KCNMA1: variants seen among roughly 807,000 people sequenced by gnomAD.
The protein encoded by KCNMA1 is Calcium-activated potassium channel subunit alpha-1.
A neutral mutation model predicts 140.0 loss-of-function variants in KCNMA1; 29 were observed. The observed-to-expected ratio is 0.21, with a 90% CI of 0.15 to 0.28. The LOEUF (loss-of-function observed/expected upper bound fraction) is 0.28, where lower values mean the gene tolerates loss of function less well. Ranked by LOEUF, KCNMA1 falls within the 10% of genes least tolerant of loss-of-function variation. The probability of loss-of-function intolerance (pLI) is 1.00; values close to 1 mark genes in which losing one functional copy is unlikely to be tolerated. For missense variants in KCNMA1, 880 were observed against 1,602.2 expected, an observed-to-expected ratio of 0.55 and a Z score of 7.70; for synonymous variants, 612 against 611.9, an observed-to-expected ratio of 1.00 and a Z score of 0.00.
intron 1 of KCNMA1, among the ~76,000 whole-genome samples, chr10:77,519,740 C>T (rs2395480): frequency 0.018 from 2,672 of 152,270 alleles, 71 homozygotes; most frequent in African/African-American, 0.062. Flanking sequence ...CACATCCCTT[C>T]GTGAAACACA....
At chr10:76,926,448 T>G (rs904156921) in intron 23 of KCNMA1, among the ~76,000 whole-genome samples, 1 of 152,216 alleles carries the variant, frequency 6.6e-6, no homozygotes, top group Admixed American at 6.5e-5. Flanking sequence ...GCACAGAGCA[T>G]GTACTTCATC....
intron 1 of KCNMA1, among the ~76,000 whole-genome samples, chr10:77,424,506 GTTCA>G (rs3997977): frequency 7.7e-4 from 116 of 150,336 alleles, no homozygotes; most frequent in Admixed American, 2.5e-3. Flanking sequence ...GAAGATCTGT[GTTCA>G]TTCATTCATT....
At chr10:76,942,351 C>T (rs962991714) in intron 23 of KCNMA1, among the ~76,000 whole-genome samples, 8 of 152,280 alleles carry the variant, frequency 5.3e-5, no homozygotes, top group Admixed American at 3.9e-4. Context: ...CTAATACCAT[C>T]GCCTTGAGGG....
intron 2 of KCNMA1, among the ~76,000 whole-genome samples, chr10:77,320,446 C>T (rs890997279): frequency 1.3e-5 from 2 of 152,108 alleles, no homozygotes. Context: ...AAAGCTGAGG[C>T]TGAGACCCTA....
intron 1 of KCNMA1, among the ~76,000 whole-genome samples, chr10:77,621,683 C>A (rs1271775076): frequency 8.5e-5 from 13 of 152,144 alleles, no homozygotes; most frequent in Admixed American, 8.5e-4. Context: ...AATTCCAGCA[C>A]TTTGGGGGCC....
intron 1 of KCNMA1, among the ~76,000 whole-genome samples, chr10:77,610,797 AATG>A (rs1273316303): frequency 5.9e-5 from 9 of 152,348 alleles, no homozygotes; most frequent in African/African-American, 2.2e-4. Context: ...TGTAGATAAT[AATG>A]ATGGTTACAC....
At chr10:77,102,626 T>A (rs1034723732) in intron 9 of KCNMA1, among the ~76,000 whole-genome samples, 2 of 152,188 alleles carry the variant, frequency 1.3e-5, no homozygotes, top group Non-Finnish European at 2.9e-5. Context: ...GGGGCTTGCA[T>A]AACCTGGATT....
At position 77,186,998 on chromosome 10, in the gene KCNMA1, C is replaced by CT. The variant is rs573050784; in HGVS notation, c.603-2083dup. ...TGGTTTCCAAGACTATCATGGAAAA[C>CT]TGACTATTGTTTCACCAAGGCCAAA... is the stretch of plus-strand genomic sequence containing the variant. On this transcript the variant is annotated intron_variant, in intron 3 of 27. Coordinates refer to ENST00000286628, the MANE Select transcript of KCNMA1 (RefSeq NM_001161352.2). Among the ~76,000 whole-genome samples, 230 of 152,144 alleles carry CT rather than the reference C, an allele frequency of 1.5e-3. 1 individual carries two copies. The highest frequency in any genetic ancestry group is 5.4e-3 in the African/African-American group (222 of 41,492).
intron 1 of KCNMA1, among the ~76,000 whole-genome samples, chr10:77,468,866 G>A (rs182224222): frequency 6.6e-6 from 1 of 152,122 alleles, no homozygotes; most frequent in Non-Finnish European, 1.5e-5. Flanking sequence ...TCCAGCAAAT[G>A]TTTCTTGCAC....
intron 12 of KCNMA1, among the ~76,000 whole-genome samples, chr10:77,081,747 A>G (rs1437226976): frequency 2.6e-5 from 4 of 152,182 alleles, no homozygotes; most frequent in Non-Finnish European, 4.4e-5. Flanking sequence ...AGCCTCTGTC[A>G]GCCCTGCCTT....
chr10:77,295,573 A>G (rs1003761489), intron 2 of KCNMA1, among the ~76,000 whole-genome samples: 4 of 151,070 alleles, frequency 2.6e-5, no homozygotes, highest in African/African-American at 9.8e-5. Context: ...TGAGGTCAGG[A>G]GATCGAGACC....
At chr10:77,324,683 C>G (rs2083358322) in intron 2 of KCNMA1, among the ~76,000 whole-genome samples, 1 of 152,114 alleles carries the variant, frequency 6.6e-6, no homozygotes, top group Non-Finnish European at 1.5e-5. Context: ...GCCACCATGC[C>G]CAGCTTGTGT....
intron 1 of KCNMA1, among the ~76,000 whole-genome samples, chr10:77,552,247 T>C (rs2063040954): frequency 6.6e-6 from 1 of 152,170 alleles, no homozygotes; most frequent in Non-Finnish European, 1.5e-5. Flanking sequence ...TCCTCTACTT[T>C]GGGAAAAGGC....
intron 1 of KCNMA1, among the ~76,000 whole-genome samples, chr10:77,581,537 C>T (rs1022256502): frequency 6.6e-6 from 1 of 152,166 alleles, no homozygotes; most frequent in African/African-American, 2.4e-5. Context: ...GATCTCCTGA[C>T]CTAGTGATCC....
intron 9 of KCNMA1, among the ~76,000 whole-genome samples, chr10:77,103,708 T>C (rs533994826): frequency 6.6e-6 from 1 of 152,204 alleles, no homozygotes; most frequent in Non-Finnish European, 1.5e-5. Flanking sequence ...GCTAGAAGTG[T>C]TCAAGAGGGA....
intron 3 of KCNMA1, among the ~76,000 whole-genome samples, chr10:77,186,840 T>A (rs990940796): frequency 1.3e-5 from 2 of 150,024 alleles, no homozygotes; most frequent in African/African-American, 4.9e-5. Flanking sequence ...CAAGCAAGGA[T>A]GGGGAGATCT....
intron 1 of KCNMA1, among the ~76,000 whole-genome samples, chr10:77,612,698 A>C (rs148967679): frequency 6.6e-6 from 1 of 152,102 alleles, no homozygotes; most frequent in Admixed American, 6.5e-5. Context: ...AAGTCAAAAG[A>C]CTGGTCAATT....
intron 1 of KCNMA1, among the ~76,000 whole-genome samples, chr10:77,468,234 T>C (rs942690559): frequency 5.9e-5 from 9 of 152,110 alleles, no homozygotes; most frequent in African/African-American, 1.4e-4. Context: ...TCTCGAACTG[T>C]CAGAACTGTC....
chr10:77,063,589 T>A (rs2095838128), intron 14 of KCNMA1: 1 of 268,904 alleles, frequency 3.7e-6, no homozygotes, highest in African/African-American at 2.3e-5. Flanking sequence ...GTAGAATAGT[T>A]GCCTCAAAGT....
Sources: allele counts gnomAD v4.1 joint callset (sites outside exome capture counted in the v4.1 genomes callset), GRCh38; gene constraint gnomAD v4.1.1; transcripts MANE v1.5; gene names NCBI Gene and HGNC (gene_info 2026-07-23, HGNC 2026-07-21).